ASAP2: variants seen among roughly 807,000 people sequenced by gnomAD.
ASAP2 encodes the protein ArfGAP with SH3 domain, ankyrin repeat and PH domain 2, also known as arf-GAP with SH3 domain, ANK repeat and PH domain-containing protein 2.
A neutral mutation model predicts 131.4 loss-of-function variants in ASAP2; 45 were observed. The ratio of observed to expected loss-of-function variants is 0.34; its 90% CI spans 0.27 to 0.44. ASAP2 has a LOEUF of 0.44. Ranked by LOEUF, ASAP2 falls within the 20% of genes least tolerant of loss-of-function variation. ASAP2 has a pLI of 1.00. For synonymous variants in ASAP2, 510 were observed against 503.0 expected, an observed-to-expected ratio of 1.01 and a Z score of -0.19; for missense variants, 1,011 against 1,297.0, an observed-to-expected ratio of 0.78 and a Z score of 3.39.
intron 3 of ASAP2, among the ~76,000 whole-genome samples, chr2:9,298,973 T>A (rs1668323675): frequency 6.6e-6 from 1 of 151,876 alleles, no homozygotes; most frequent in South Asian, 2.1e-4. Context: ...AATATAACAT[T>A]AAAAATCCAA....
rs1283644963 is a variant in ASAP2 at position 9,400,213 on chromosome 2, GCCC to G, written c.2734+144_2734+146del. ...CAGCCCTCCTGCCCCCTCCCCTCCT[GCCC>G]CCTCCCCTCCTGCCCCCTCCCCTCC... On this transcript the variant is annotated intron_variant, in intron 25 of 27. Coordinates refer to ENST00000281419, the MANE Select transcript of ASAP2 (RefSeq NM_003887.3). 1.0e-4 allele frequency: 68 copies of G among 657,200 alleles called. 1 individual carries two copies. The highest frequency in any genetic ancestry group is 2.6e-4 in the Admixed American group (8 of 31,110). The allele number at this position is 657,200 out of a possible 1,614,324, so 40.7% of individuals were successfully genotyped here. A position where few individuals can be genotyped will look rare whatever the true frequency, so the allele number is the denominator to read the frequency against.
chr2:9,264,646 C>T (rs1665816189), intron 1 of ASAP2, among the ~76,000 whole-genome samples: 1 of 152,264 alleles, frequency 6.6e-6, no homozygotes, highest in East Asian at 1.9e-4. Context: ...AAAACTCAGT[C>T]TCCTGTCACC....
chr2:9,365,022 A>G (rs1393008586), intron 15 of ASAP2, among the ~76,000 whole-genome samples: 1 of 152,182 alleles, frequency 6.6e-6, no homozygotes, highest in Non-Finnish European at 1.5e-5. Context: ...TTTTTAAACC[A>G]CAAAGTCTAT....
intron 1 of ASAP2, among the ~76,000 whole-genome samples, chr2:9,231,842 A>G (rs2148028833): frequency 6.6e-6 from 1 of 152,306 alleles, no homozygotes. Flanking sequence ...TCCCTGCAGC[A>G]GGTGAGGACT....
chr2:9,347,260 G>C (rs1672030457), intron 11 of ASAP2, among the ~76,000 whole-genome samples: 2 of 152,222 alleles, frequency 1.3e-5, no homozygotes, highest in Non-Finnish European at 2.9e-5. Flanking sequence ...AGAATCCAGA[G>C]GACCCCTCTG....
chr2:9,248,517 G>C (rs1019989994), intron 1 of ASAP2, among the ~76,000 whole-genome samples: 1 of 151,908 alleles, frequency 6.6e-6, no homozygotes, highest in African/African-American at 2.4e-5. Context: ...CCACCTCCTT[G>C]CTAGTTGACC....
chr2:9,234,164 A>G (rs977610931), intron 1 of ASAP2, among the ~76,000 whole-genome samples: 5 of 151,502 alleles, frequency 3.3e-5, no homozygotes, highest in Admixed American at 6.6e-5. Context: ...AGGTGAAGCA[A>G]TGTTCCCTGG....
intron 1 of ASAP2, among the ~76,000 whole-genome samples, chr2:9,263,769 T>C (rs144341226): frequency 3.9e-5 from 6 of 152,326 alleles, no homozygotes; most frequent in Non-Finnish European, 7.3e-5. Flanking sequence ...TATCTGTTCA[T>C]ACCGCATGAC....
chr2:9,222,648 C>T (rs969574487), intron 1 of ASAP2, among the ~76,000 whole-genome samples: 1 of 152,152 alleles, frequency 6.6e-6, no homozygotes, highest in Non-Finnish European at 1.5e-5. Flanking sequence ...ACTGGAGCAT[C>T]GGGCTGTCAG....
intron 16 of ASAP2, among the ~76,000 whole-genome samples, chr2:9,371,993 G>A (rs559392197): frequency 1.8e-4 from 27 of 152,184 alleles, no homozygotes; most frequent in Non-Finnish European, 2.6e-4. Flanking sequence ...AAACCAGGGG[G>A]CATGTGTGGA....
In ASAP2 at chr2:9,387,318, A is replaced by C. The variant is rs573433864; in HGVS notation, c.2131-976A>C. 4.6e-5 allele frequency among the ~76,000 whole-genome samples: 7 copies of C among 152,294 alleles called. No individual in the cohort carries two copies. In the South Asian group the frequency reaches 1.5e-3, roughly 32 times the overall value. On this transcript the variant is annotated intron_variant, in intron 21 of 27. Transcript: ENST00000281419. ...AAGCTCTACGGGCCTAAAGCGTCAC[A>C]GTCCATGTTAACAATTACTCAGCTC... is the stretch of plus-strand genomic sequence containing the variant.
chr2:9,348,156 C>T lies in ASAP2; in HGVS notation c.1024-2652C>T, dbSNP rs368666237. Reference sequence around the variant, plus strand: ...TTTGTTTGTTTTTTTCTTTTTGAGACGGAGTCTCGCTGTGTTGCCCAGGCT... The same window carrying T: ...TTTGTTTGTTTTTTTCTTTTTGAGATGGAGTCTCGCTGTGTTGCCCAGGCT... On this transcript the variant is annotated intron_variant, in intron 11 of 27. Coordinates refer to ENST00000281419, the MANE Select transcript of ASAP2 (RefSeq NM_003887.3). Among the ~76,000 whole-genome samples the T allele has an allele frequency of 1.2e-3, 190 of 152,210 alleles. 3 individuals carry two copies. The highest frequency in any genetic ancestry group is 4.3e-3 in the African/African-American group (179 of 41,502).
chr2:9,239,225 C>T (rs913074269), intron 1 of ASAP2, among the ~76,000 whole-genome samples: 4 of 152,188 alleles, frequency 2.6e-5, no homozygotes, highest in Non-Finnish European at 5.9e-5. Flanking sequence ...TTTAACACTG[C>T]AACTACTCTT....
chr2:9,361,974 CGTGT>C (rs70948815), intron 15 of ASAP2, among the ~76,000 whole-genome samples: 8,649 of 143,230 alleles, frequency 0.06, 457 homozygotes, highest in African/African-American at 0.14. Flanking sequence ...TCTTTCTCTG[CGTGT>C]GTGTGTGTGT....
chr2:9,401,033 T>C (rs892932311), intron 26 of ASAP2, among the ~76,000 whole-genome samples: 2 of 152,010 alleles, frequency 1.3e-5, no homozygotes, highest in Non-Finnish European at 2.9e-5. Context: ...CCACTCAGAG[T>C]ACCCTGCCCC....
chr2:9,249,538 G>A (rs1166991576), intron 1 of ASAP2, among the ~76,000 whole-genome samples: 1 of 152,222 alleles, frequency 6.6e-6, no homozygotes, highest in African/African-American at 2.4e-5. Context: ...TTGCCCTGTA[G>A]GAGGAATTGC....
chr2:9,286,353 G>A (rs763537113), intron 2 of ASAP2, among the ~76,000 whole-genome samples: 3 of 151,716 alleles, frequency 2.0e-5, no homozygotes, highest in African/African-American at 2.4e-5. Flanking sequence ...AGCTGAAACT[G>A]CACCACTGCA....
At chr2:9,216,609 AACC>A (rs2147958562) in intron 1 of ASAP2, among the ~76,000 whole-genome samples, 1 of 151,790 alleles carries the variant, frequency 6.6e-6, no homozygotes, top group South Asian at 2.1e-4. Context: ...TACAGGTGCC[AACC>A]ACCACACCCA....
In ASAP2 at chr2:9,350,838, C is replaced by T; in HGVS notation, c.1054C>T (p.Leu352=). ...CCGGCCTCCTGCAAAGCTCAACCTG[C>T]TAACCTGCCAGGTGAAGACCAACCC... ...ANRPPAKLNL[L]TCQVKTNPEE... Residue 352 remains leucine, a synonymous_variant, in exon 12 of 28, where the codon CTA becomes TTA. Coordinates refer to ENST00000281419, the MANE Select transcript of ASAP2 (RefSeq NM_003887.3). The T allele has an allele frequency of 1.2e-6, 2 of 1,613,716 alleles. No homozygotes were observed. Among genetic ancestry groups the T allele is most frequent in the Non-Finnish European group, 1.7e-6 (2 of 1,179,758 alleles).
Sources: allele counts gnomAD v4.1 joint callset (sites outside exome capture counted in the v4.1 genomes callset), GRCh38; gene constraint gnomAD v4.1.1; transcripts MANE v1.5; gene names NCBI Gene and HGNC (gene_info 2026-07-23, HGNC 2026-07-21).